CNNM2: variants seen among roughly 807,000 people sequenced by gnomAD.
CNNM2 encodes cyclin and CBS domain divalent metal cation transport mediator 2.
A neutral mutation model predicts 66.9 loss-of-function variants in CNNM2; 12 were observed. The observed-to-expected ratio is 0.18, with a 90% confidence interval of 0.11 to 0.29. The LOEUF is 0.29. CNNM2 is among the 10% of genes least tolerant of loss of function. The pLI is 1.00. For missense variants in CNNM2, 705 were observed against 1,167.7 expected (o/e 0.60, Z 5.77); for synonymous variants, 557 against 501.8 (o/e 1.11, Z -1.47).
chr10:102,971,728 A>C (rs1809734506), intron 1 of CNNM2, among the ~76,000 whole-genome samples: 2 of 152,176 alleles, frequency 1.3e-5, no homozygotes, highest in Non-Finnish European at 2.9e-5. Flanking sequence ...TAATCTACTT[A>C]ACTGTTGATG....
intron 1 of CNNM2, among the ~76,000 whole-genome samples, chr10:102,965,624 A>G (rs191412188): frequency 2.0e-5 from 3 of 152,116 alleles, no homozygotes; most frequent in African/African-American, 7.2e-5. Flanking sequence ...TTGTTTTTCT[A>G]AAGTCTTGAG....
At position 103,087,317 on chromosome 10, in the gene CNNM2, A is replaced by G. The variant is rs1371375186; in HGVS notation, c.*10137A>G. ...TTCCCAGCACACTCTTAAGAATAAT[A>G]TACAGAGAGGCACCATTTTGCTCTG... On this transcript the variant is annotated 3_prime_UTR_variant, in exon 8 of 8. Coordinates refer to ENST00000369878, the MANE Select transcript of CNNM2 (RefSeq NM_017649.5). 1 of 151,976 alleles carries G rather than the reference A, an allele frequency of 6.6e-6. No homozygotes were observed. Among genetic ancestry groups the G allele is most frequent in the Non-Finnish European group, 1.5e-5 (1 of 68,002 alleles). 9.4% of individuals were successfully genotyped at this position (151,976 alleles called of 1,614,324 possible). A position where few individuals can be genotyped will look rare whatever the true frequency, so the allele number is the denominator to read the frequency against.
intron 1 of CNNM2, among the ~76,000 whole-genome samples, chr10:102,949,686 A>G (rs1846755335): frequency 6.6e-6 from 1 of 152,110 alleles, no homozygotes; most frequent in South Asian, 2.1e-4. Context: ...AGGGAAGCTG[A>G]GGCAGGAATC....
At position 103,078,216 on chromosome 10, in the gene CNNM2, C is replaced by G. The variant is rs1235876429; in HGVS notation, c.*1036C>G. ...TACTTTAACAGAAAACGAGTCGGAC[C>G]TTCTAGCTGCACTCTGTACTGTGTG... On this transcript the variant is annotated 3_prime_UTR_variant, in exon 8 of 8. Transcript: ENST00000369878. 1 of 152,260 alleles carries G rather than the reference C, an allele frequency of 6.6e-6. No homozygotes were observed. Among genetic ancestry groups the G allele is most frequent in the African/African-American group, 2.4e-5 (1 of 41,470 alleles). 9.4% of individuals were successfully genotyped at this position (152,260 alleles called of 1,614,324 possible).
chr10:103,017,951 A>G (rs1590402021), intron 1 of CNNM2, among the ~76,000 whole-genome samples: 1 of 138,070 alleles, frequency 7.2e-6, no homozygotes. Context: ...GGGACAGAGC[A>G]AGAATCTGTC....
chr10:103,037,590 T>G (rs1415484852), intron 1 of CNNM2, among the ~76,000 whole-genome samples: 1 of 152,160 alleles, frequency 6.6e-6, no homozygotes, highest in Admixed American at 6.5e-5. Flanking sequence ...TCTGTAATGA[T>G]GACTTAGAGA....
intron 1 of CNNM2, among the ~76,000 whole-genome samples, chr10:102,923,480 C>T (rs1009139062): frequency 2.0e-5 from 3 of 152,134 alleles, no homozygotes; most frequent in African/African-American, 4.8e-5. Flanking sequence ...TTTGTGACAC[C>T]AGAACCTGCT....
chr10:102,965,308 T>C (rs2063445844), intron 1 of CNNM2, among the ~76,000 whole-genome samples: 1 of 152,196 alleles, frequency 6.6e-6, no homozygotes, highest in Admixed American at 6.5e-5. Flanking sequence ...GTATTCTTTC[T>C]TTTTCCTCTT....
chr10:103,011,873 A>G (rs1392761078), intron 1 of CNNM2, among the ~76,000 whole-genome samples: 10 of 151,774 alleles, frequency 6.6e-5, no homozygotes, highest in Non-Finnish European at 8.8e-5. Context: ...TTGTATTTTT[A>G]GTAGAGACGG....
At chr10:103,048,365 A>AC (rs2134327548) in intron 1 of CNNM2, among the ~76,000 whole-genome samples, 1 of 151,960 alleles carries the variant, frequency 6.6e-6, no homozygotes, top group South Asian at 2.1e-4. Context: ...ACAGGCACAC[A>AC]CCACCACATC....
intron 1 of CNNM2, among the ~76,000 whole-genome samples, chr10:103,013,310 C>T (rs1028740145): frequency 6.6e-6 from 1 of 152,064 alleles, no homozygotes; most frequent in Non-Finnish European, 1.5e-5. Flanking sequence ...CTCTTCTTCA[C>T]GAGTTCTTGG....
At chr10:102,994,694 G>A (rs1489102042) in intron 1 of CNNM2, among the ~76,000 whole-genome samples, 1 of 152,238 alleles carries the variant, frequency 6.6e-6, no homozygotes, top group Non-Finnish European at 1.5e-5. Flanking sequence ...ATCTGCTTTT[G>A]ATCCACAGTA....
At chr10:103,045,272 T>C (rs1271307197) in intron 1 of CNNM2, among the ~76,000 whole-genome samples, 2 of 152,188 alleles carry the variant, frequency 1.3e-5, no homozygotes, top group Non-Finnish European at 2.9e-5. Context: ...TCTCCTCTGC[T>C]CAAAATGTTT....
intron 1 of CNNM2, among the ~76,000 whole-genome samples, chr10:102,961,327 A>G (rs2063376773): frequency 6.6e-6 from 1 of 152,222 alleles, no homozygotes; most frequent in South Asian, 2.1e-4. Flanking sequence ...TGCTGTCTTA[A>G]CTGATACTTA....
At chr10:102,994,046 C>A (rs978885028) in intron 1 of CNNM2, among the ~76,000 whole-genome samples, 2 of 152,178 alleles carry the variant, frequency 1.3e-5, no homozygotes, top group African/African-American at 4.8e-5. Flanking sequence ...AAGTGATTTT[C>A]CTGCCTCAGC....
rs536998088 is a variant in CNNM2 at position 103,081,007 on chromosome 10, C to T, written c.*3827C>T. On this transcript the variant is annotated 3_prime_UTR_variant, in exon 8 of 8. Coordinates refer to ENST00000369878, the MANE Select transcript of CNNM2 (RefSeq NM_017649.5). ...CCTAGGCCCAGGAAGGTGAGGTCTC[C>T]TGGGCAACCAGAGTTGCCCCTGTGG... 1 of 152,286 alleles carries T rather than the reference C, an allele frequency of 6.6e-6. No individual in the cohort carries two copies. The highest frequency in any genetic ancestry group is 2.1e-4 in the South Asian group (1 of 4,830). 9.4% of individuals were successfully genotyped at this position (152,286 alleles called of 1,614,324 possible). A position where few individuals can be genotyped will look rare whatever the true frequency, so the allele number is the denominator to read the frequency against.
intron 1 of CNNM2, among the ~76,000 whole-genome samples, chr10:102,925,646 T>C (rs531978207): frequency 6.6e-6 from 1 of 152,320 alleles, no homozygotes; most frequent in African/African-American, 2.4e-5. Flanking sequence ...TCCCAAGTTA[T>C]TCAGAGATGA....
chr10:102,934,709 T>C (rs1846175167), intron 1 of CNNM2, among the ~76,000 whole-genome samples: 1 of 152,140 alleles, frequency 6.6e-6, no homozygotes, highest in South Asian at 2.1e-4. Flanking sequence ...CCAGGTGTTG[T>C]GGCACGCACC....
At position 103,051,377 on chromosome 10, in the gene CNNM2, G is replaced by A. The variant is rs919357630; in HGVS notation, c.1765+1527G>A. ...ACCCGGGAGGCGGAGGTTGCAGTGA[G>A]CTGAGATTGCGTCACTGCACTCCAG... On this transcript the variant is annotated intron_variant, in intron 2 of 7. Transcript: ENST00000369878. Among the ~76,000 whole-genome samples the A allele has an allele frequency of 2.0e-5, 3 of 152,094 alleles. No individual in the cohort carries two copies. The East Asian group carries it at 5.8e-4, about 29-fold the overall frequency.
Sources: gnomAD v4.1 joint callset for allele counts (sites outside exome capture counted in the v4.1 genomes callset) on GRCh38, gnomAD v4.1.1 for gene constraint, MANE v1.5 for transcripts, NCBI Gene and HGNC (gene_info 2026-07-23, HGNC 2026-07-21) for gene names.